RABGGTA: variants seen among roughly 807,000 people sequenced by gnomAD.
RABGGTA encodes geranylgeranyl transferase type-2 subunit alpha.
A neutral mutation model predicts 83.3 loss-of-function variants in RABGGTA; 69 were observed. That is an observed-to-expected ratio of 0.83 (90% CI 0.68 to 1.01). The LOEUF is 1.01. RABGGTA is among the 50% of genes least tolerant of loss of function. The probability of loss-of-function intolerance (pLI) is 0.00; values close to 1 mark genes in which losing one functional copy is unlikely to be tolerated. For missense variants in RABGGTA, 681 were observed against 712.7 expected (o/e 0.96, Z 0.51); for synonymous variants, 310 against 299.8 (o/e 1.03, Z -0.35).
At position 24,267,897 on chromosome 14, in the gene RABGGTA, C is replaced by T. The variant is rs1422246908; in HGVS notation, c.1209G>A (p.Glu403=). ...TGAGGGTCTGGAAGTACTGCAGGGT[C>T]TCCTTCTCATACAGCAGGGGGTCCA... ...RALDPLLYEK[E]TLQYFQTLKA... is the part of the protein sequence containing the mutation. The change falls in exon 13 of 17, where the codon GAG becomes GAA. Residue 403 remains glutamate, a synonymous_variant. Transcript: ENST00000216840. 5 of 1,613,688 alleles carry T rather than the reference C, an allele frequency of 3.1e-6. No homozygotes were observed. The highest frequency in any genetic ancestry group is 4.2e-6 in the Non-Finnish European group (5 of 1,179,854).
At position 24,268,885 on chromosome 14, in the gene RABGGTA, C is replaced by T. The variant is rs779885726; in HGVS notation, c.798+26G>A. ...GCACCAGGCCCACAGTCCCACAGTG[C>T]TCTTGACAAAAGCTGCAGGACTCAC... On this transcript the variant is annotated intron_variant, in intron 8 of 16. Transcript: ENST00000216840. 4 of 1,575,818 alleles carry T rather than the reference C, an allele frequency of 2.5e-6. No homozygotes were observed. In the Admixed American group the frequency reaches 5.6e-5, roughly 22 times the overall value.
At chr14:24,266,188 A>G (rs2040871128) in intron 16 of RABGGTA, among the ~76,000 whole-genome samples, 1 of 152,252 alleles carries the variant, frequency 6.6e-6, no homozygotes, top group Non-Finnish European at 1.5e-5. Context: ...ATAGACCTGA[A>G]GAACAGCTGC....
At position 24,268,463 on chromosome 14, in the gene RABGGTA, A is replaced by G. The variant is rs202052623; in HGVS notation, c.1007-43T>C. The G allele has an allele frequency of 5.6e-6, 9 of 1,594,926 alleles. No individual in the cohort carries two copies. The African/African-American group carries it at 1.4e-4, about 24-fold the overall frequency. On this transcript the variant is annotated intron_variant, in intron 10 of 16. Transcript: ENST00000216840. ...GGTTGGAGGGTGCACCCTTGAGAGG[A>G]AAAGAGTGATGGGGGCTGCTGCAAG...
chr14:24,269,025 C>G lies in RABGGTA; in HGVS notation c.716-32G>C, dbSNP rs768862768. 1.9e-6 allele frequency: 3 copies of G among 1,578,970 alleles called. No homozygotes were observed. The African/African-American group carries it at 4.0e-5, about 21-fold the overall frequency. The stretch of plus-strand genomic sequence containing the variant: ...GGAGACAGTGTCAGATTTCTTTAAA[C>G]CCTCTCCCATTCCTATTAAGCGCTA... On this transcript the variant is annotated intron_variant, in intron 7 of 16. Transcript: ENST00000216840.
chr14:24,269,876 T>A, intron 5 of RABGGTA, 77 bp downstream of exon 5: 1 of 1,537,658 alleles, frequency 6.5e-7, no homozygotes, highest in Admixed American at 1.9e-5. Flanking sequence ...TCCCTCCCCA[T>A]TCTGGGCCTT....
chr14:24,266,725 G>C (rs1339901154), intron 15 of RABGGTA, 51 bp downstream of exon 15: 2 of 1,504,210 alleles, frequency 1.3e-6, no homozygotes, highest in East Asian at 2.3e-5. Context: ...CTGAGGGAGA[G>C]GAAGAGGAAA....
At chr14:24,269,784 A>G in intron 5 of RABGGTA, 90 bp from the exon 6 acceptor site, 1 of 1,476,236 alleles carries the variant, frequency 6.8e-7, no homozygotes, top group Non-Finnish European at 9.3e-7. Context: ...GAACCCCTAG[A>G]AACACCTCAG....
intron 2 of RABGGTA, 28 bp from the exon 3 acceptor site, chr14:24,270,975 G>A (rs969362568): frequency 1.2e-6 from 2 of 1,610,904 alleles, no homozygotes; most frequent in African/African-American, 2.7e-5. Context: ...TTGGAAGAGT[G>A]CAGGTTGCCT....
rs866847893 is a variant in RABGGTA at position 24,266,460 on chromosome 14, G to A, written c.1525C>T (p.Arg509Trp). Residue 509 changes from arginine to tryptophan, a missense_variant, in exon 16 of 17, where the codon CGG becomes TGG. Physicochemically the swap from Arg to Trp is moderately radical, Grantham distance 101. Around this residue, in one of 5 missense-constraint regions of RABGGTA, gnomAD observed 421 missense variants for 418.5 expected, o/e 1.01. Transcript: ENST00000216840. ...ESLDGVTNLP[R>W]LQELLLCNNR... ...TTGCACAGTAGCAGCTCCTGCAGCC[G>A]GGGTAGGTTGGTGACGCCGTCCAGG... 31 of 1,613,886 alleles carry A rather than the reference G, an allele frequency of 1.9e-5. No individual in the cohort carries two copies. Among genetic ancestry groups the A allele is most frequent in the South Asian group, 4.4e-5 (4 of 91,086 alleles).
At position 24,270,417 on chromosome 14, in the gene RABGGTA, T is replaced by G; in HGVS notation, c.156A>C (p.Thr52=). Residue 52 remains threonine, a synonymous_variant, in exon 4 of 17, where the codon ACA becomes ACC. Coordinates refer to ENST00000216840, the MANE Select transcript of RABGGTA (RefSeq NM_182836.3). ...GELDESVLEL[T]SQILGANPDF... ...CAGGGTTGGCTCCCAGAATCTGGCT[T>G]GTCAGTTCCAGCACGGACTCATCCA... 6.2e-7 allele frequency: 1 copy of G among 1,613,996 alleles called. No individual in the cohort carries two copies. Among genetic ancestry groups the G allele is most frequent in the South Asian group, 1.1e-5 (1 of 91,082 alleles).
In RABGGTA at chr14:24,268,949, C is replaced by T. The variant is rs536913680; in HGVS notation, c.760G>A (p.Glu254Lys). ...ALRCLHVSRD[E>K]ACLTVSFSRP... ...GAGAAGGAGACAGTCAGACAGGCCTCGTCCCGGCTCACATGCAGGCAGCGC... is the reference window on the plus strand; with the variant it reads ...GAGAAGGAGACAGTCAGACAGGCCTTGTCCCGGCTCACATGCAGGCAGCGC... Residue 254 changes from glutamate to lysine, a missense_variant, in exon 8 of 17, where the codon GAG becomes AAG. Glu to Lys is a moderately conservative substitution (Grantham distance 56). Around this residue, in one of 5 missense-constraint regions of RABGGTA, gnomAD observed 421 missense variants for 418.5 expected, o/e 1.01. Coordinates refer to ENST00000216840, the MANE Select transcript of RABGGTA (RefSeq NM_182836.3). 125 of 1,587,872 alleles carry T rather than the reference C, an allele frequency of 7.9e-5. 1 individual carries two copies. The highest frequency in any genetic ancestry group is 9.0e-5 in the Non-Finnish European group (105 of 1,166,148).
At chr14:24,269,921 G>A (rs1566388044) in intron 5 of RABGGTA, 32 bp downstream of exon 5, 3 of 1,607,222 alleles carry the variant, frequency 1.9e-6, no homozygotes, top group Non-Finnish European at 2.5e-6. Flanking sequence ...GGGCAGGTGA[G>A]GGCTGTGGGG....
Position 24,268,905 on chromosome 14 carries a change from A to T in RABGGTA, c.798+6T>A. On this transcript the variant is annotated splice_donor_region_variant and intron_variant, in intron 8 of 16. Transcript: ENST00000216840. Reference sequence around the variant, plus strand: ...CAGTGCTCTTGACAAAAGCTGCAGGACTCACTAAGAGGGGCCGAGAGAAGG... The same window carrying T: ...CAGTGCTCTTGACAAAAGCTGCAGGTCTCACTAAGAGGGGCCGAGAGAAGG... 6.3e-7 allele frequency: 1 copy of T among 1,582,896 alleles called. No individual in the cohort carries two copies. The highest frequency in any genetic ancestry group is 8.6e-7 in the Non-Finnish European group (1 of 1,164,334).
rs35934528 is a variant in RABGGTA, at chr14:24,269,882, G to A, written c.427+71C>T. 3.2e-3 allele frequency: 4,969 copies of A among 1,552,306 alleles called. 11 individuals carry two copies. The highest frequency in any genetic ancestry group is 4.1e-3 in the Non-Finnish European group (4,693 of 1,141,902). ...TCCTGGATATCCCTCCCCATTCTGG[G>A]CCTTACTGAGGCCCCAGTACCAGAA... is the stretch of plus-strand genomic sequence containing the variant. On this transcript the variant is annotated intron_variant, in intron 5 of 16. Coordinates refer to ENST00000216840, the MANE Select transcript of RABGGTA (RefSeq NM_182836.3).
In RABGGTA at chr14:24,268,707, C is replaced by T. The variant is rs751790243; in HGVS notation, c.900+18G>A. The T allele has an allele frequency of 8.1e-5, 130 of 1,604,504 alleles. No homozygotes were observed. The highest frequency in any genetic ancestry group is 1.5e-4 in the Admixed American group (9 of 58,074). ...CCTGCCCCAGACCCCAACTTCTGCC[C>T]CACCAATCCTGGGATACCCAGACAT... On this transcript the variant is annotated intron_variant, in intron 9 of 16. Transcript: ENST00000216840.
Position 24,266,821 on chromosome 14 carries a change from G to A in RABGGTA, c.1422C>T (p.Arg474=), listed in dbSNP as rs14193. The change falls in exon 15 of 17, where the codon CGC becomes CGT. Residue 474 remains arginine, a synonymous_variant. Transcript: ENST00000216840. ...CCAGTGCAGGTGGCAGGGTTCGGAG[G>A]CGATTGTGTGACAAGTCAAGATGGG... ...LVTHLDLSHN[R]LRTLPPALAA... is the part of the protein sequence containing the mutation. The A allele has an allele frequency of 0.4, 647,702 of 1,613,174 alleles. 138,339 individuals carry two copies. The highest frequency in any genetic ancestry group is 0.7 in the African/African-American group (52,344 of 74,892).
intron 15 of RABGGTA, 38 bp downstream of exon 15, chr14:24,266,738 A>G (rs766386704): frequency 6.4e-5 from 100 of 1,556,338 alleles, no homozygotes; most frequent in Non-Finnish European, 8.2e-5. Context: ...AGAGGAAAAG[A>G]ACCACCCGTG....
chr14:24,271,380 C>G, intron 1 of RABGGTA, 107 bp downstream of exon 1: 1 of 377,754 alleles, frequency 2.6e-6, no homozygotes, highest in Non-Finnish European at 4.7e-6. Flanking sequence ...GGCCAGAGCG[C>G]GAGCCGGGGC....
Position 24,269,150 on chromosome 14 carries a change from C to T in RABGGTA, c.645G>A (p.Val215=), listed in dbSNP as rs748262293. The T allele has an allele frequency of 7.4e-6, 12 of 1,611,324 alleles. No homozygotes were observed. Among genetic ancestry groups the T allele is most frequent in the South Asian group, 5.5e-5 (5 of 90,364 alleles). ...TGGGGTCAGTGAAGAAGGCATTCTG[C>T]ACCAGCTCCAGCTCTGTGGGGTTCC... The part of the protein sequence containing the change: ...EDVLLKELEL[V]QNAFFTDPND... Residue 215 remains valine, a synonymous_variant, in exon 7 of 17, where the codon GTG becomes GTA. Transcript: ENST00000216840.
Sources: allele counts gnomAD v4.1 joint callset (sites outside exome capture counted in the v4.1 genomes callset), GRCh38; gene constraint gnomAD v4.1.1; regional missense constraint gnomAD v4.1.1; transcripts MANE v1.5; gene names NCBI Gene and HGNC (gene_info 2026-07-23, HGNC 2026-07-21).